Variants in MPP3 observed in about 807,000 individuals in gnomAD.
The protein encoded by MPP3 is MAGUK p55 scaffold protein 3.
Under a neutral mutation model 80.7 loss-of-function variants are expected in MPP3, and 48 were observed. The observed-to-expected ratio is 0.59, with a 90% confidence interval of 0.47 to 0.76. The LOEUF (loss-of-function observed/expected upper bound fraction) is 0.76, where lower values mean the gene tolerates loss of function less well. Among genes scored for constraint, MPP3 ranks in the 30% least tolerant of loss-of-function variants. The pLI is 0.00. For synonymous variants in MPP3, 311 were observed against 297.6 expected (o/e 1.04, Z -0.46); for missense variants, 620 against 763.0 (o/e 0.81, Z 2.21).
At chr17:43,813,035 TCTGAGGAG>T (rs2044942384) in intron 16 of MPP3, among the ~76,000 whole-genome samples, 1 of 152,078 alleles carries the variant, frequency 6.6e-6, no homozygotes, top group Non-Finnish European at 1.5e-5. Flanking sequence ...CCCAGAACAC[TCTGAGGAG>T]GCCCCATTAG....
At chr17:43,825,574 C>T in intron 9 of MPP3, 182 bp downstream of exon 9, 2 of 564,590 alleles carry the variant, frequency 3.5e-6, no homozygotes, top group East Asian at 5.9e-5. Flanking sequence ...GGGAAGTTCC[C>T]CTCCTCCTGC....
At chr17:43,817,869 A>G in intron 12 of MPP3, 177 bp downstream of exon 12, 1 of 449,100 alleles carries the variant, frequency 2.2e-6, no homozygotes, top group Non-Finnish European at 4.1e-6. Context: ...GCTCCTCTCC[A>G]GGGACTAGCT....
chr17:43,819,522 C>T (rs2045317270), intron 11 of MPP3, among the ~76,000 whole-genome samples: 1 of 152,226 alleles, frequency 6.6e-6, no homozygotes, highest in African/African-American at 2.4e-5. Context: ...ACTCACACAG[C>T]ACCATGTCCT....
chr17:43,831,472 G>T, intron 4 of MPP3, 87 bp downstream of exon 4: 1 of 1,314,740 alleles, frequency 7.6e-7, no homozygotes, highest in Non-Finnish European at 1.1e-6. Context: ...CCTGGGGCAG[G>T]GAGATGACTA....
chr17:43,810,572 G>A (rs2044809252), intron 18 of MPP3, among the ~76,000 whole-genome samples: 1 of 152,160 alleles, frequency 6.6e-6, no homozygotes, highest in Non-Finnish European at 1.5e-5. Flanking sequence ...CTGGGTCTGT[G>A]GGCCACCAGA....
intron 11 of MPP3, 64 bp from the exon 12 acceptor site, chr17:43,818,174 C>T: frequency 7.2e-7 from 1 of 1,388,002 alleles, no homozygotes; most frequent in Non-Finnish European, 9.5e-7. Flanking sequence ...TGAAAGGAAC[C>T]TTCTGGAAAA....
chr17:43,810,412 C>T (rs1244303827), intron 18 of MPP3, among the ~76,000 whole-genome samples: 3 of 152,124 alleles, frequency 2.0e-5, no homozygotes, highest in African/African-American at 4.8e-5. Flanking sequence ...CCACTGACTC[C>T]ACCTGCCCTG....
At chr17:43,815,687 G>A in intron 14 of MPP3, 1 of 442,104 alleles carries the variant, frequency 2.3e-6, no homozygotes, top group South Asian at 2.0e-5. Context: ...AGTGAAAAGG[G>A]GCTCTGGAGA....
intron 7 of MPP3, among the ~76,000 whole-genome samples, chr17:43,829,041 T>C (rs1215684626): frequency 6.6e-6 from 1 of 152,216 alleles, no homozygotes; most frequent in African/African-American, 2.4e-5. Flanking sequence ...TTCTCTGGGC[T>C]TCCACCACTT....
intron 19 of MPP3, among the ~76,000 whole-genome samples, chr17:43,807,614 T>C (rs1386007592): frequency 6.6e-6 from 1 of 151,888 alleles, no homozygotes; most frequent in Non-Finnish European, 1.5e-5. Context: ...CCACCGTACC[T>C]GGCCAAGGAG....
Position 43,823,916 on chromosome 17 carries a change from C to G in MPP3, c.684+15G>C. ...TCAAGCTGAGAGAGGGCACCGCGGA[C>G]CCACCTCCCCATACCTTGCTCTCCT... On this transcript the variant is annotated intron_variant, in intron 10 of 19. Transcript: ENST00000398389. 1 of 1,603,162 alleles carries G rather than the reference C, an allele frequency of 6.2e-7. No homozygotes were observed. Among genetic ancestry groups the G allele is most frequent in the Middle Eastern group, 1.7e-4 (1 of 5,944 alleles).
chr17:43,821,062 C>A lies in MPP3; in HGVS notation c.685-4G>T. On this transcript the variant is annotated splice_region_variant and splice_polypyrimidine_tract_variant and intron_variant, in intron 10 of 19. Coordinates refer to ENST00000398389, the MANE Select transcript of MPP3 (RefSeq NM_001932.6). ...GGAAGAGGGCGCGCATGAACACCTG[C>A]ACAAGGAGGGCTCTGGTGAGGCGGC... 1 of 1,613,498 alleles carries A rather than the reference C, an allele frequency of 6.2e-7. No homozygotes were observed. Among genetic ancestry groups the A allele is most frequent in the Non-Finnish European group, 8.5e-7 (1 of 1,179,854 alleles).
At chr17:43,817,883 C>A in intron 12 of MPP3, 163 bp downstream of exon 12, 2 of 368,148 alleles carry the variant, frequency 5.4e-6, no homozygotes, top group South Asian at 2.7e-5. Flanking sequence ...ACTAGCTGCC[C>A]CCCACCTCCT....
chr17:43,815,376 G>T (rs1429960414), intron 14 of MPP3, among the ~76,000 whole-genome samples: 1 of 152,046 alleles, frequency 6.6e-6, no homozygotes, highest in Non-Finnish European at 1.5e-5. Flanking sequence ...TAGAAAGGAG[G>T]ATTGCTTGAA....
At chr17:43,816,558 C>T (rs956837655) in intron 13 of MPP3, 119 bp downstream of exon 13, 18 of 932,428 alleles carry the variant, frequency 1.9e-5, no homozygotes, top group South Asian at 5.7e-5. Flanking sequence ...GGAAGAGGTG[C>T]GCAGACAGTG....
At chr17:43,820,745 G>A (rs1373520646) in intron 11 of MPP3, 117 bp downstream of exon 11, 10 of 887,184 alleles carry the variant, frequency 1.1e-5, no homozygotes, top group Admixed American at 2.6e-5. Flanking sequence ...TACTTACCTT[G>A]GGGGAACAAT....
At chr17:43,811,227 C>G (rs2044842947) in intron 16 of MPP3, 22 bp from the exon 17 acceptor site, 1 of 1,594,084 alleles carries the variant, frequency 6.3e-7, no homozygotes, top group Non-Finnish European at 8.6e-7. Context: ...AGAAGGAAAG[C>G]TGGGCAAAGA....
chr17:43,809,109 C>T, intron 18 of MPP3, 31 bp from the exon 19 acceptor site: 1 of 1,549,926 alleles, frequency 6.5e-7, no homozygotes, highest in Non-Finnish European at 8.7e-7. Flanking sequence ...ATATTATATA[C>T]TTTTGAAGTG....
chr17:43,831,991 T>C (rs760579119), intron 2 of MPP3, 48 bp from the exon 3 acceptor site: 2 of 1,237,626 alleles, frequency 1.6e-6, no homozygotes, highest in South Asian at 2.5e-5. Context: ...TCAAGCATAT[T>C]TATTGAACAA....
Sources: gnomAD v4.1 joint callset for allele counts (sites outside exome capture counted in the v4.1 genomes callset) on GRCh38, gnomAD v4.1.1 for gene constraint, MANE v1.5 for transcripts, NCBI Gene and HGNC (gene_info 2026-07-23, HGNC 2026-07-21) for gene names.